Variants in TENM4 observed in about 807,000 individuals in gnomAD.
TENM4 encodes the protein teneurin transmembrane protein 4.
In TENM4, 82 loss-of-function variants were observed where a neutral mutation model predicts 243.3. That is an observed-to-expected ratio of 0.34 (90% CI 0.28 to 0.40). The LOEUF is 0.40. Ranked by LOEUF, TENM4 falls within the 10% of genes least tolerant of loss-of-function variation. TENM4 has a pLI of 1.00. For synonymous variants in TENM4, 1,412 were observed against 1,456.3 expected (o/e 0.97, Z 0.69); for missense variants, 3,138 against 3,673.3 (o/e 0.85, Z 3.77).
chr11:78,760,771 G>T (rs918946911), intron 18 of TENM4, among the ~76,000 whole-genome samples: 1 of 152,186 alleles, frequency 6.6e-6, no homozygotes, highest in Non-Finnish European at 1.5e-5. Context: ...GGATCTTCTA[G>T]CTTTCATGTC....
At chr11:78,902,495 A>C (rs1461957248) in intron 7 of TENM4, among the ~76,000 whole-genome samples, 1 of 152,146 alleles carries the variant, frequency 6.6e-6, no homozygotes, top group East Asian at 1.9e-4. Context: ...GGTGTAGGTG[A>C]AGCAGCACTG....
chr11:78,891,484 C>G (rs952225019), intron 7 of TENM4, 148 bp from the exon 8 acceptor site: 2 of 672,760 alleles, frequency 3.0e-6, no homozygotes, highest in Admixed American at 4.4e-5. Context: ...AGTGTGCAAG[C>G]CACATGTGCA....
At chr11:78,831,927 C>T (rs1172290287) in intron 12 of TENM4, among the ~76,000 whole-genome samples, 1 of 152,164 alleles carries the variant, frequency 6.6e-6, no homozygotes, top group Non-Finnish European at 1.5e-5. Context: ...GTCAATATAC[C>T]CTTGCTTTGG....
chr11:79,031,957 C>T (rs1859251327), intron 6 of TENM4, among the ~76,000 whole-genome samples: 1 of 152,190 alleles, frequency 6.6e-6, no homozygotes, highest in African/African-American at 2.4e-5. Context: ...ACAGACTCCA[C>T]AACAAAGCGT....
intron 9 of TENM4, among the ~76,000 whole-genome samples, chr11:78,873,339 C>T (rs557090531): frequency 1.3e-5 from 2 of 152,314 alleles, no homozygotes; most frequent in East Asian, 3.9e-4. Context: ...ATAGTCATTA[C>T]TTGGAAGCTA....
rs35642884 is a variant in TENM4, at chr11:79,124,645, A to ATGTGTGTGTG, written c.-66+24055_-66+24064dup. Among the ~76,000 whole-genome samples, 28 of 133,860 alleles carry ATGTGTGTGTG rather than the reference A, an allele frequency of 2.1e-4. 1 individual carries two copies. Among genetic ancestry groups the ATGTGTGTGTG allele is most frequent in the African/African-American group, 7.9e-4 (28 of 35,358 alleles). The allele number at this position is 133,860 out of a possible 152,430, so 87.8% of individuals were successfully genotyped here. On this transcript the variant is annotated intron_variant, in intron 4 of 33. Transcript: ENST00000278550. The stretch of plus-strand genomic sequence containing the variant: ...CATACATATGCACGTATATATATAT[A>ATGTGTGTGTG]TGTGTGTGTGTGTGTGTGTGTGTGT...
intron 6 of TENM4, among the ~76,000 whole-genome samples, chr11:78,954,874 C>A (rs928795955): frequency 6.6e-6 from 1 of 152,234 alleles, no homozygotes. Flanking sequence ...TCATCCAGTT[C>A]TCTCACTGCT....
At chr11:79,296,672 T>C (rs1454320234) in intron 2 of TENM4, among the ~76,000 whole-genome samples, 1 of 152,248 alleles carries the variant, frequency 6.6e-6, no homozygotes, top group Non-Finnish European at 1.5e-5. Flanking sequence ...GTTTTAGATT[T>C]AGTAAATCTG....
chr11:79,403,487 CA>C (rs1252759374), intron 1 of TENM4, among the ~76,000 whole-genome samples: 1 of 152,088 alleles, frequency 6.6e-6, no homozygotes, highest in Non-Finnish European at 1.5e-5. Context: ...AGGAAGGGAC[CA>C]AAAGGGGCAA....
intron 12 of TENM4, among the ~76,000 whole-genome samples, chr11:78,835,752 T>C (rs1251739429): frequency 6.6e-6 from 1 of 152,216 alleles, no homozygotes; most frequent in Non-Finnish European, 1.5e-5. Flanking sequence ...CCCTGACTCC[T>C]ACCCCAATTA....
intron 3 of TENM4, among the ~76,000 whole-genome samples, chr11:79,155,495 A>G (rs1301384701): frequency 1.3e-5 from 2 of 152,112 alleles, no homozygotes; most frequent in Non-Finnish European, 2.9e-5. Context: ...AGCAACGTCA[A>G]CCTATCAAGA....
At chr11:79,207,706 A>G (rs796580698) in intron 3 of TENM4, among the ~76,000 whole-genome samples, 3 of 151,888 alleles carry the variant, frequency 2.0e-5, no homozygotes, top group Non-Finnish European at 2.9e-5. Flanking sequence ...CTCTACAGAA[A>G]AATACAAAAA....
chr11:78,877,014 A>T (rs1859284099), intron 9 of TENM4, among the ~76,000 whole-genome samples: 1 of 152,184 alleles, frequency 6.6e-6, no homozygotes, highest in Non-Finnish European at 1.5e-5. Flanking sequence ...CCACTTAGAT[A>T]CTAATTGACA....
In TENM4 at chr11:79,069,981, G is replaced by A; in HGVS notation, c.-37C>T. On this transcript the variant is annotated 5_prime_UTR_variant, in exon 5 of 34. Coordinates refer to ENST00000278550, the MANE Select transcript of TENM4 (RefSeq NM_001098816.3). Reference sequence around the variant, plus strand: ...CGCGCTCCTCCACATCCACAAACAGGGTCCTCGCCGCACTCAGGGCCGAGT... The same window carrying A: ...CGCGCTCCTCCACATCCACAAACAGAGTCCTCGCCGCACTCAGGGCCGAGT... The A allele has an allele frequency of 6.5e-7, 1 of 1,536,622 alleles. No individual in the cohort carries two copies. Among genetic ancestry groups the A allele is most frequent in the Non-Finnish European group, 8.7e-7 (1 of 1,143,414 alleles).
intron 25 of TENM4, 62 bp from the exon 26 acceptor site, chr11:78,712,776 T>C: frequency 4.8e-6 from 7 of 1,465,538 alleles, no homozygotes; most frequent in Non-Finnish European, 6.6e-6. Context: ...TAGCTGGAGA[T>C]GTACAGATGA....
intron 4 of TENM4, among the ~76,000 whole-genome samples, chr11:79,132,017 G>A (rs1437615451): frequency 6.6e-6 from 1 of 151,954 alleles, no homozygotes; most frequent in East Asian, 1.9e-4. Flanking sequence ...ACCTAGCACT[G>A]GGGCTCCCAA....
At chr11:78,734,782 C>G (rs904055144) in intron 20 of TENM4, among the ~76,000 whole-genome samples, 4 of 152,196 alleles carry the variant, frequency 2.6e-5, no homozygotes. Flanking sequence ...GTTGAGCTCT[C>G]TGGCCCAGGG....
At chr11:79,418,782 C>T (rs1301828520) in intron 1 of TENM4, among the ~76,000 whole-genome samples, 1 of 152,206 alleles carries the variant, frequency 6.6e-6, no homozygotes, top group Non-Finnish European at 1.5e-5. Context: ...CCAATTACTC[C>T]ATTACGTGGC....
chr11:79,220,273 C>T (rs1023906426), intron 2 of TENM4, among the ~76,000 whole-genome samples: 4 of 152,202 alleles, frequency 2.6e-5, no homozygotes, highest in African/African-American at 9.7e-5. Context: ...AAGATATCCT[C>T]ATTCTAAACA....
Sources: allele counts gnomAD v4.1 joint callset (sites outside exome capture counted in the v4.1 genomes callset), GRCh38; gene constraint gnomAD v4.1.1; transcripts MANE v1.5; gene names NCBI Gene and HGNC (gene_info 2026-07-23, HGNC 2026-07-21).